The following PDCD1LG2 variants were observed in gnomAD, a reference collection of about 807,000 sequenced individuals.
The protein encoded by PDCD1LG2 is programmed cell death 1 ligand 2.
PDCD1LG2 carries 32 observed loss-of-function variants against 28.2 expected under a neutral mutation model. That is an observed-to-expected ratio of 1.13 (90% CI 0.86 to 1.52). The LOEUF (loss-of-function observed/expected upper bound fraction) is 1.52. Among genes scored for constraint, PDCD1LG2 ranks in the 40% most tolerant of loss-of-function variants. PDCD1LG2 has a pLI of 0.00. For missense variants in PDCD1LG2, 385 were observed against 323.8 expected, an observed-to-expected ratio of 1.19 and a Z score of -1.45; for synonymous variants, 116 against 120.2, an observed-to-expected ratio of 0.97 and a Z score of 0.23.
chr9:5,531,490 A>T (rs1171313658), intron 2 of PDCD1LG2, among the ~76,000 whole-genome samples: 1 of 152,202 alleles, frequency 6.6e-6, no homozygotes, highest in Non-Finnish European at 1.5e-5. Flanking sequence ...TGTAAATATT[A>T]GCTGAAAAAT....
At chr9:5,563,952 T>C (rs909124525) in intron 6 of PDCD1LG2, among the ~76,000 whole-genome samples, 1 of 152,160 alleles carries the variant, frequency 6.6e-6, no homozygotes, top group Admixed American at 6.5e-5. Context: ...TAGCAAATGA[T>C]AATTACATCT....
chr9:5,522,675 A>T (rs1054528681), intron 2 of PDCD1LG2, 74 bp downstream of exon 2: 32 of 1,359,740 alleles, frequency 2.4e-5, no homozygotes, highest in Non-Finnish European at 3.3e-5. Flanking sequence ...AAAAATGAGA[A>T]TGTGGCCCTC....
At chr9:5,533,738 G>A (rs1425043188) in intron 2 of PDCD1LG2, among the ~76,000 whole-genome samples, 6 of 151,754 alleles carry the variant, frequency 4.0e-5, no homozygotes, top group Non-Finnish European at 7.4e-5. Context: ...TGGAAACTAC[G>A]GATTTTGTAG....
chr9:5,559,072 A>C (rs964331318), intron 5 of PDCD1LG2, among the ~76,000 whole-genome samples: 25 of 152,204 alleles, frequency 1.6e-4, no homozygotes, highest in African/African-American at 5.8e-4. Context: ...TAATAACTTC[A>C]GAAATGAGCA....
intron 3 of PDCD1LG2, among the ~76,000 whole-genome samples, chr9:5,540,387 G>A (rs1255755719): frequency 6.6e-6 from 1 of 151,862 alleles, no homozygotes; most frequent in African/African-American, 2.4e-5. Flanking sequence ...ACAAAGATCA[G>A]GGCAGAACTA....
chr9:5,549,461 A>C lies in PDCD1LG2; in HGVS notation c.488A>C (p.Asn163Thr), dbSNP rs1489468383. The part of the protein sequence containing the change: ...VSWPNVSVPA[N>T]TSHSRTPEGL... ...TGGCCAAACGTCAGCGTTCCTGCCA[A>C]CACCAGCCACTCCAGGACCCCTGAA... Residue 163 changes from asparagine (N) to threonine (T), a missense_variant, in exon 4 of 7, where the codon AAC (asparagine) becomes ACC (threonine). By Grantham distance (65) the Asn-to-Thr change is moderately conservative. Coordinates refer to ENST00000397747, the MANE Select transcript of PDCD1LG2 (RefSeq NM_025239.4). The C allele has an allele frequency of 6.2e-7, 1 of 1,614,024 alleles. No homozygotes were observed. The highest frequency in any genetic ancestry group is 1.3e-5 in the African/African-American group (1 of 74,914).
chr9:5,552,051 ACCCAG>A (rs1291720845), intron 4 of PDCD1LG2, among the ~76,000 whole-genome samples: 4 of 152,104 alleles, frequency 2.6e-5, no homozygotes, highest in Admixed American at 6.6e-5. Context: ...TGATAGGGTG[ACCCAG>A]ACTTAACGAC....
chr9:5,530,794 T>C (rs1001055556), intron 2 of PDCD1LG2, among the ~76,000 whole-genome samples: 4 of 152,210 alleles, frequency 2.6e-5, no homozygotes, highest in African/African-American at 9.6e-5. Context: ...TACTTCCCAG[T>C]GACAGTCCAA....
At chr9:5,521,612 TATTGCCTACACC>T (rs1054877025) in intron 1 of PDCD1LG2, among the ~76,000 whole-genome samples, 9 of 152,114 alleles carry the variant, frequency 5.9e-5, no homozygotes, top group African/African-American at 2.2e-4. Context: ...AGCAATAGTC[TATTGCCTACACC>T]AAAGCTTAGT....
At chr9:5,523,360 G>A (rs1820313281) in intron 2 of PDCD1LG2, among the ~76,000 whole-genome samples, 1 of 152,198 alleles carries the variant, frequency 6.6e-6, no homozygotes, top group African/African-American at 2.4e-5. Context: ...AAGTCCTCAA[G>A]ACAATAGCCC....
At chr9:5,514,012 C>T (rs888337086) in intron 1 of PDCD1LG2, among the ~76,000 whole-genome samples, 5 of 152,158 alleles carry the variant, frequency 3.3e-5, no homozygotes, top group East Asian at 3.8e-4. Flanking sequence ...CATGGATAGC[C>T]GGGCTCTACT....
chr9:5,524,852 T>C (rs1384288317), intron 2 of PDCD1LG2, among the ~76,000 whole-genome samples: 1 of 152,162 alleles, frequency 6.6e-6, no homozygotes, highest in Non-Finnish European at 1.5e-5. Flanking sequence ...ATGAAAGTAA[T>C]CAGACTGCAA....
rs187721785 is a variant in PDCD1LG2, at chr9:5,570,323, G to A, written c.*364G>A. 544 of 266,664 alleles carry A rather than the reference G, an allele frequency of 2.0e-3. 3 individuals are homozygous for A. The highest frequency in any genetic ancestry group is 5.4e-3 in the Middle Eastern group (5 of 928). The allele number at this position is 266,664 out of a possible 1,614,324, so 16.5% of individuals were successfully genotyped here. A position where few individuals can be genotyped will look rare whatever the true frequency, so the allele number is the denominator to read the frequency against. ...TTTCTAAGTGATTTCCAAAAGCAGA[G>A]GTGTGTGGAAATTTCCAGTAACAGA... is the stretch of plus-strand genomic sequence containing the variant. On this transcript the variant is annotated 3_prime_UTR_variant, in exon 7 of 7. Coordinates refer to ENST00000397747, the MANE Select transcript of PDCD1LG2 (RefSeq NM_025239.4).
At chr9:5,515,566 A>G (rs959571867) in intron 1 of PDCD1LG2, among the ~76,000 whole-genome samples, 1 of 152,026 alleles carries the variant, frequency 6.6e-6, no homozygotes, top group African/African-American at 2.4e-5. Context: ...TGAGTGTTCA[A>G]CTCTCAGCAG....
intron 6 of PDCD1LG2, among the ~76,000 whole-genome samples, chr9:5,567,827 G>T (rs1275443553): frequency 6.6e-6 from 1 of 152,210 alleles, no homozygotes; most frequent in Non-Finnish European, 1.5e-5. Flanking sequence ...TTACAATTAA[G>T]TATTACCGAT....
intron 6 of PDCD1LG2, among the ~76,000 whole-genome samples, chr9:5,568,987 C>A (rs989311772): frequency 2.0e-5 from 3 of 152,108 alleles, no homozygotes; most frequent in African/African-American, 7.2e-5. Context: ...ACAGCAAACT[C>A]TTCTAGATAG....
chr9:5,518,981 T>C (rs1820221552), intron 1 of PDCD1LG2, among the ~76,000 whole-genome samples: 1 of 152,138 alleles, frequency 6.6e-6, no homozygotes, highest in South Asian at 2.1e-4. Flanking sequence ...TATCAGGAAA[T>C]GACTGTCGTT....
rs139524609 is a variant in PDCD1LG2, at chr9:5,543,538, C to CAAAAAAAA, written c.362-5782_362-5775dup. On this transcript the variant is annotated intron_variant, in intron 3 of 6. Transcript: ENST00000397747. ...TGGGCGACAGAGCGAGACTCCGTCT[C>CAAAAAAAA]AAAAAAAAAAAAAAAAAAAAAATGG... 2.7e-5 allele frequency among the ~76,000 whole-genome samples: 2 copies of CAAAAAAAA among 73,692 alleles called. 1 individual carries two copies. Among genetic ancestry groups the CAAAAAAAA allele is most frequent in the Non-Finnish European group, 5.7e-5 (2 of 35,222 alleles). 48.3% of individuals were successfully genotyped at this position (73,692 alleles called of 152,430 possible).
intron 5 of PDCD1LG2, among the ~76,000 whole-genome samples, chr9:5,558,210 A>C (rs1387933345): frequency 6.6e-6 from 1 of 152,156 alleles, no homozygotes; most frequent in African/African-American, 2.4e-5. Context: ...ACGGTTGGGT[A>C]AGGAAAGGAG....
Sources: gnomAD v4.1 joint callset for allele counts (sites outside exome capture counted in the v4.1 genomes callset) on GRCh38, gnomAD v4.1.1 for gene constraint, MANE v1.5 for transcripts, NCBI Gene and HGNC (gene_info 2026-07-23, HGNC 2026-07-21) for gene names.